The following SGK1 variants were observed in gnomAD, a reference collection of about 807,000 sequenced individuals.
SGK1 encodes the protein serum/glucocorticoid regulated kinase 1.
Under a neutral mutation model 64.2 loss-of-function variants are expected in SGK1, and 26 were observed. The observed-to-expected ratio is 0.40, with a 90% CI of 0.30 to 0.56. SGK1 has a LOEUF of 0.56. SGK1 is among the 20% of genes least tolerant of loss of function. The probability of loss-of-function intolerance (pLI) is 0.38; values close to 1 mark genes in which losing one functional copy is unlikely to be tolerated. For synonymous variants in SGK1, 265 were observed against 239.7 expected (o/e 1.11, Z -0.98); for missense variants, 519 against 645.6 (o/e 0.80, Z 2.12).
At chr6:134,308,697 C>T (rs992274248) in intron 1 of SGK1, among the ~76,000 whole-genome samples, 26 of 152,186 alleles carry the variant, frequency 1.7e-4, no homozygotes, top group African/African-American at 6.3e-4. Context: ...GCTGGGATTA[C>T]AGGTGCACGC....
chr6:134,214,959 G>T, intron 2 of SGK1: 2 of 420,090 alleles, frequency 4.8e-6, no homozygotes, highest in South Asian at 3.4e-5. Flanking sequence ...GAAGGTAACC[G>T]TTGAATGTTT....
intron 1 of SGK1, chr6:134,297,172 C>G (rs572598068): frequency 3.1e-5 from 21 of 678,950 alleles, no homozygotes; most frequent in Non-Finnish European, 5.6e-5. Context: ...CCTGCATAGC[C>G]GCTGGTGGTC....
At chr6:134,295,512 T>C (rs1777334448) in intron 1 of SGK1, among the ~76,000 whole-genome samples, 1 of 152,144 alleles carries the variant, frequency 6.6e-6, no homozygotes, top group African/African-American at 2.4e-5. Flanking sequence ...GAGACAAGCC[T>C]GGCCATCATG....
intron 2 of SGK1, among the ~76,000 whole-genome samples, chr6:134,241,570 C>T (rs551629829): frequency 3.3e-5 from 5 of 152,184 alleles, no homozygotes; most frequent in South Asian, 2.1e-4. Context: ...GCAGGCTCTA[C>T]GAAGTCTGTC....
chr6:134,223,460 G>T (rs970758928), intron 2 of SGK1, among the ~76,000 whole-genome samples: 1 of 152,042 alleles, frequency 6.6e-6, no homozygotes, highest in Non-Finnish European at 1.5e-5. Flanking sequence ...GGGGAAAAGA[G>T]AAATGTTGTA....
chr6:134,302,848 G>A (rs183333255), intron 1 of SGK1, among the ~76,000 whole-genome samples: 20 of 151,946 alleles, frequency 1.3e-4, no homozygotes, highest in Non-Finnish European at 2.2e-4. Context: ...TCCACCTCCC[G>A]GGTTCAAGCA....
chr6:134,289,935 G>A (rs907923786), intron 1 of SGK1, among the ~76,000 whole-genome samples: 1 of 152,090 alleles, frequency 6.6e-6, no homozygotes, highest in African/African-American at 2.4e-5. Context: ...GATCACATGA[G>A]ATCAAGAGTT....
intron 3 of SGK1, among the ~76,000 whole-genome samples, chr6:134,183,314 A>C (rs1393502057): frequency 6.6e-6 from 1 of 151,690 alleles, no homozygotes; most frequent in Non-Finnish European, 1.5e-5. Context: ...AGAACATGCT[A>C]ATTCTTCCCT....
chr6:134,261,093 G>T (rs1284997437), intron 2 of SGK1: 3 of 152,084 alleles, frequency 2.0e-5, no homozygotes, highest in African/African-American at 7.2e-5. Context: ...TCAGTTATCT[G>T]GTTTTCTTGG....
At chr6:134,209,843 A>G (rs1222797399) in intron 2 of SGK1, among the ~76,000 whole-genome samples, 1 of 152,032 alleles carries the variant, frequency 6.6e-6, no homozygotes, top group Non-Finnish European at 1.5e-5. Flanking sequence ...CGCCTGGCTA[A>G]TTTTTGTATT....
rs1162404618 is a variant in SGK1, at chr6:134,184,504, C to CAA, written c.362-9920_362-9919dup. Among the ~76,000 whole-genome samples, 94 of 63,414 alleles carry CAA rather than the reference C, an allele frequency of 1.5e-3. 1 individual carries two copies. Among genetic ancestry groups the CAA allele is most frequent in the East Asian group, 6.0e-3 (8 of 1,344 alleles). The allele number at this position is 63,414 out of a possible 152,430, so 41.6% of individuals were successfully genotyped here. A position where few individuals can be genotyped will look rare whatever the true frequency, so the allele number is the denominator to read the frequency against. ...TGGGTGACAGAGTGAGACTCCATCT[C>CAA]AAAAAAAAAAAAAAAAAAAAAAAAA... On this transcript the variant is annotated intron_variant, in intron 3 of 13. Coordinates refer to ENST00000367858, the MANE Select transcript of SGK1 (RefSeq NM_001143676.3).
intron 3 of SGK1, chr6:134,176,085 A>G: frequency 2.8e-6 from 2 of 703,852 alleles, no homozygotes; most frequent in Non-Finnish European, 3.5e-6. Flanking sequence ...CTGCCATGCC[A>G]AGAACACGTG....
intron 1 of SGK1, among the ~76,000 whole-genome samples, chr6:134,299,820 C>CTTTT (rs777370022): frequency 1.7e-4 from 19 of 113,088 alleles, no homozygotes; most frequent in Non-Finnish European, 2.5e-4. Flanking sequence ...TTTTTTTTTG[C>CTTTT]CCTGAGTTTG....
intron 1 of SGK1, among the ~76,000 whole-genome samples, chr6:134,266,894 A>G (rs1776862585): frequency 6.6e-6 from 1 of 152,204 alleles, no homozygotes; most frequent in Non-Finnish European, 1.5e-5. Flanking sequence ...TTATTCAGAT[A>G]GTTTTGGGCT....
intron 3 of SGK1, among the ~76,000 whole-genome samples, chr6:134,178,986 TA>T (rs1775291413): frequency 6.6e-6 from 1 of 152,166 alleles, no homozygotes; most frequent in African/African-American, 2.4e-5. Context: ...TCTTCTATTT[TA>T]TTTTTTTATT....
intron 2 of SGK1, among the ~76,000 whole-genome samples, chr6:134,214,083 A>T (rs972569298): frequency 3.9e-5 from 4 of 103,034 alleles, no homozygotes; most frequent in African/African-American, 8.5e-5. Flanking sequence ...GTAAGTTATT[A>T]AAAAAAATTT....
rs150756090 is a variant in SGK1, at chr6:134,295,033, G to A, written c.69+22359C>T. On this transcript the variant is annotated intron_variant, in intron 1 of 13. Transcript: ENST00000367858. ...TTTTGGCTACATTTATAATTGGAGAGACTAGATTTCAGCTAGAGATGAGTG... is the reference window on the plus strand; with the variant it reads ...TTTTGGCTACATTTATAATTGGAGAAACTAGATTTCAGCTAGAGATGAGTG... Among the ~76,000 whole-genome samples the A allele has an allele frequency of 4.9e-3, 744 of 152,294 alleles. 4 individuals are homozygous for A. The highest frequency in any genetic ancestry group is 0.01 in the Middle Eastern group (3 of 294).
At chr6:134,218,437 C>CTTTTTTTTTTTTT (rs71003680) in intron 2 of SGK1, among the ~76,000 whole-genome samples, 7 of 129,168 alleles carry the variant, frequency 5.4e-5, no homozygotes, top group South Asian at 2.4e-4. Context: ...TTCTTTTTTT[C>CTTTTTTTTTTTTT]TTTTTTTTTT....
At chr6:134,252,351 C>T (rs1776617642) in intron 2 of SGK1, among the ~76,000 whole-genome samples, 1 of 152,154 alleles carries the variant, frequency 6.6e-6, no homozygotes, top group African/African-American at 2.4e-5. Context: ...GCTGCTCACA[C>T]AATGTGCGCG....
Sources: gnomAD v4.1 joint callset for allele counts (sites outside exome capture counted in the v4.1 genomes callset) on GRCh38, gnomAD v4.1.1 for gene constraint, MANE v1.5 for transcripts, NCBI Gene and HGNC (gene_info 2026-07-23, HGNC 2026-07-21) for gene names.